Variants in MERTK observed in about 807,000 individuals in gnomAD.
The protein encoded by MERTK is MER proto-oncogene, tyrosine kinase.
Under a neutral mutation model 99.3 loss-of-function variants are expected in MERTK, and 69 were observed. That is an observed-to-expected ratio of 0.70 (90% confidence interval 0.57 to 0.85). The LOEUF is 0.85. Ranked by LOEUF, MERTK falls within the 40% of genes least tolerant of loss-of-function variation. The pLI is 0.00. For synonymous variants in MERTK, 426 were observed against 467.6 expected (o/e 0.91, Z 1.15); for missense variants, 1,125 against 1,249.4 (o/e 0.90, Z 1.50).
chr2:112,019,434 T>A lies in MERTK; in HGVS notation c.2101T>A (p.Leu701Met). Residue 701 changes from leucine to methionine, a missense_variant, in exon 16 of 19, where the codon TTG becomes ATG. Coordinates refer to ENST00000295408, the MANE Select transcript of MERTK (RefSeq NM_006343.3). ...GPKHIPLQTL[L>M]KFMVDIALGM... ...CTAGCATATTCCTCTGCAGACACTATTGAAGTTCATGGTGGATATTGCCCT... is the reference window on the plus strand; with the variant it reads ...CTAGCATATTCCTCTGCAGACACTAATGAAGTTCATGGTGGATATTGCCCT... The A allele has an allele frequency of 6.2e-7, 1 of 1,612,940 alleles. No homozygotes were observed. The highest frequency in any genetic ancestry group is 8.5e-7 in the Non-Finnish European group (1 of 1,178,912).
In MERTK at chr2:111,975,417, T is replaced by C. The variant is rs967891555; in HGVS notation, c.1089T>C (p.Asn363=). 6.2e-7 allele frequency: 1 copy of C among 1,614,174 alleles called. No individual in the cohort carries two copies. ...ACAGCATTGGTGTTTCCTGCATGAA[T>C]GAAATAGGCTGGTCTGCAGTGAGCC... The part of the protein sequence containing the change: ...ANYSIGVSCM[N]EIGWSAVSPW... Residue 363 remains asparagine (N), a synonymous_variant, in exon 7 of 19, where the codon AAT becomes AAC. Transcript: ENST00000295408.
chr2:111,961,866 C>T (rs1370853184), intron 4 of MERTK, among the ~76,000 whole-genome samples: 2 of 152,246 alleles, frequency 1.3e-5, no homozygotes, highest in African/African-American at 4.8e-5. Context: ...CACTTGGCTG[C>T]AGCCGGGGCG....
At chr2:111,909,708 A>G (rs1385253377) in intron 1 of MERTK, among the ~76,000 whole-genome samples, 2 of 152,090 alleles carry the variant, frequency 1.3e-5, no homozygotes, top group East Asian at 3.9e-4. Flanking sequence ...GGAAAACGTA[A>G]TTTTGAGTTG....
intron 8 of MERTK, among the ~76,000 whole-genome samples, chr2:111,984,824 A>G (rs56268477): frequency 0.021 from 3,203 of 152,336 alleles, 58 homozygotes; most frequent in Middle Eastern, 0.068. Flanking sequence ...TCCAAGACTG[A>G]GCAGGCAACT....
Position 112,001,803 on chromosome 2 carries a change from T to C in MERTK, c.1690+517T>C, listed in dbSNP as rs538810812. Among the ~76,000 whole-genome samples the C allele has an allele frequency of 2.6e-5, 4 of 152,288 alleles. No homozygotes were observed. The East Asian group carries it at 7.7e-4, about 29-fold the overall frequency. ...AAGTATAGAAAGGACATGCAAATAT[T>C]AACAAATTCATGCTTCTGGATGTTT... On this transcript the variant is annotated intron_variant, in intron 11 of 18. Coordinates refer to ENST00000295408, the MANE Select transcript of MERTK (RefSeq NM_006343.3).
chr2:111,918,616 C>T (rs1278237499), intron 1 of MERTK, among the ~76,000 whole-genome samples: 1 of 152,188 alleles, frequency 6.6e-6, no homozygotes, highest in Non-Finnish European at 1.5e-5. Flanking sequence ...ATATTGTATA[C>T]AGTATTCATA....
intron 1 of MERTK, among the ~76,000 whole-genome samples, chr2:111,925,653 C>T (rs936102813): frequency 1.3e-5 from 2 of 151,436 alleles, no homozygotes; most frequent in Admixed American, 6.6e-5. Flanking sequence ...GGGTAGGTTT[C>T]GTGGCTCCCG....
intron 4 of MERTK, among the ~76,000 whole-genome samples, chr2:111,960,556 G>A (rs959239367): frequency 2.7e-5 from 4 of 149,582 alleles, no homozygotes; most frequent in African/African-American, 9.8e-5. Flanking sequence ...CAATAAAGTT[G>A]TACTTATGTT....
At chr2:111,927,543 G>A (rs889649056) in intron 1 of MERTK, among the ~76,000 whole-genome samples, 4 of 152,114 alleles carry the variant, frequency 2.6e-5, no homozygotes, top group African/African-American at 7.2e-5. Context: ...ATGGTAGCAC[G>A]AGCCTATAGT....
At chr2:111,954,495 C>T (rs1369869252) in intron 4 of MERTK, among the ~76,000 whole-genome samples, 2 of 152,200 alleles carry the variant, frequency 1.3e-5, no homozygotes, top group Non-Finnish European at 2.9e-5. Context: ...TTAGCCCCAT[C>T]ACCCAGCACA....
chr2:111,972,123 C>T (rs111850997), intron 6 of MERTK, among the ~76,000 whole-genome samples: 1 of 152,132 alleles, frequency 6.6e-6, no homozygotes, highest in African/African-American at 2.4e-5. Flanking sequence ...CTCTGCCTCC[C>T]GGGTTCAGGC....
At chr2:111,943,032 C>G (rs576638967) in intron 2 of MERTK, among the ~76,000 whole-genome samples, 1 of 152,334 alleles carries the variant, frequency 6.6e-6, no homozygotes, top group South Asian at 2.1e-4. Context: ...GGACCTCACT[C>G]ACTACCACAT....
At chr2:111,938,271 T>G (rs1463589508) in intron 2 of MERTK, among the ~76,000 whole-genome samples, 1 of 151,632 alleles carries the variant, frequency 6.6e-6, no homozygotes, top group Non-Finnish European at 1.5e-5. Flanking sequence ...TTTGTTTTTT[T>G]GTATTTGTAG....
At chr2:111,957,656 C>G (rs922626803) in intron 4 of MERTK, among the ~76,000 whole-genome samples, 1 of 152,114 alleles carries the variant, frequency 6.6e-6, no homozygotes. Context: ...TGGTTTTATT[C>G]ATGGATATAT....
chr2:111,934,634 T>G (rs1277687164), intron 2 of MERTK, among the ~76,000 whole-genome samples: 1 of 152,194 alleles, frequency 6.6e-6, no homozygotes, highest in Non-Finnish European at 1.5e-5. Flanking sequence ...GTCAGATGGA[T>G]AGATTGCAGA....
At chr2:111,944,039 C>G (rs1684911951) in intron 2 of MERTK, among the ~76,000 whole-genome samples, 1 of 152,122 alleles carries the variant, frequency 6.6e-6, no homozygotes, top group Non-Finnish European at 1.5e-5. Context: ...TGGCTCATGC[C>G]CATAATCCTA....
At chr2:111,944,528 G>T (rs1684925354) in intron 2 of MERTK, among the ~76,000 whole-genome samples, 94 of 152,176 alleles carry the variant, frequency 6.2e-4, no homozygotes, top group East Asian at 7.8e-4. Context: ...CTGTTTTAAG[G>T]AATTAGCTCA....
rs566231308 is a variant in MERTK, at chr2:111,994,192, C to T, written c.1297-59C>T. On this transcript the variant is annotated intron_variant, in intron 8 of 18. Coordinates refer to ENST00000295408, the MANE Select transcript of MERTK (RefSeq NM_006343.3). ...CTTCCCTCAGAAGGAACTGTAGATG[C>T]ACCTGCAGTTTGCCCAGACCTCAGT... 1.9e-4 allele frequency: 309 copies of T among 1,594,550 alleles called. 1 individual carries two copies. In the South Asian group the frequency reaches 3.1e-3, roughly 16 times the overall value.
At chr2:111,943,402 G>A (rs904235113) in intron 2 of MERTK, among the ~76,000 whole-genome samples, 3 of 152,242 alleles carry the variant, frequency 2.0e-5, no homozygotes, top group Admixed American at 6.5e-5. Context: ...GGCTGAGAAC[G>A]GTGGCTCATG....
Sources: allele counts gnomAD v4.1 joint callset (sites outside exome capture counted in the v4.1 genomes callset), GRCh38; gene constraint gnomAD v4.1.1; transcripts MANE v1.5; gene names NCBI Gene and HGNC (gene_info 2026-07-23, HGNC 2026-07-21).